The following PCNX2 variants were observed in gnomAD, a reference collection of about 807,000 sequenced individuals.
PCNX2 encodes pecanex 2.
In PCNX2, 168 loss-of-function variants were observed where a neutral mutation model predicts 223.8. That is an observed-to-expected ratio of 0.75 (90% CI 0.66 to 0.85). The LOEUF (loss-of-function observed/expected upper bound fraction) is 0.85, where lower values mean the gene tolerates loss of function less well. Ranked by LOEUF, PCNX2 falls within the 40% of genes least tolerant of loss-of-function variation. The pLI, the probability that PCNX2 is intolerant of heterozygous loss-of-function variation, is 0.00. For missense variants in PCNX2, 2,507 were observed against 2,675.5 expected, an observed-to-expected ratio of 0.94 and a Z score of 1.39; for synonymous variants, 1,006 against 1,052.6, an observed-to-expected ratio of 0.96 and a Z score of 0.86.
intron 1 of PCNX2, among the ~76,000 whole-genome samples, chr1:233,283,092 G>A (rs1049863233): frequency 6.7e-6 from 1 of 150,246 alleles, no homozygotes; most frequent in Non-Finnish European, 1.5e-5. Context: ...CTATGGTGGT[G>A]TTATGGGAGT....
intron 8 of PCNX2, among the ~76,000 whole-genome samples, chr1:233,243,924 C>T (rs1658945693): frequency 6.6e-6 from 1 of 152,086 alleles, no homozygotes; most frequent in South Asian, 2.1e-4. Flanking sequence ...CTCCGCCTCC[C>T]AGGTTCAAGC....
chr1:233,256,737 G>A (rs924944800), intron 5 of PCNX2, among the ~76,000 whole-genome samples: 2 of 152,142 alleles, frequency 1.3e-5, no homozygotes, highest in Non-Finnish European at 2.9e-5. Flanking sequence ...ATATTAGATA[G>A]ATGATAAACA....
chr1:233,233,080 C>A (rs980963968), intron 9 of PCNX2: 2 of 947,692 alleles, frequency 2.1e-6, no homozygotes, highest in African/African-American at 3.5e-5. Context: ...GCCTCTCAAC[C>A]AGCAGTGTAA....
rs560178944 is a variant in PCNX2 at position 233,200,168 on chromosome 1, A to C, written c.2960T>G (p.Phe987Cys). 2 of 1,584,490 alleles carry C rather than the reference A, an allele frequency of 1.3e-6. No individual in the cohort carries two copies. The highest frequency in any genetic ancestry group is 3.6e-5 in the Admixed American group (2 of 55,760). The change falls in exon 14 of 34, where the codon TTT (phenylalanine) becomes TGT (cysteine). Residue 987 changes from phenylalanine to cysteine, a missense_variant. Coordinates refer to ENST00000258229, the MANE Select transcript of PCNX2 (RefSeq NM_014801.4). ...AAACGACTTACCAGAACCACCAAAA[A>C]ACAGCATGTCAATTTGCTCCAAAAG... ...TYLLEQIDML[F>C]FGGSAVSGIT...
At chr1:233,303,376 G>A in the PCNX2 span, among the ~76,000 whole-genome samples, 1 of 152,094 alleles carries the variant, frequency 6.6e-6, no homozygotes, top group Admixed American at 6.6e-5. Flanking sequence ...TTTGCTGGGT[G>A]TGGTGGTGTG....
At chr1:233,155,705 T>C (rs1678079016) in intron 19 of PCNX2, among the ~76,000 whole-genome samples, 1 of 152,170 alleles carries the variant, frequency 6.6e-6, no homozygotes, top group South Asian at 2.1e-4. Flanking sequence ...ACCCCAATAT[T>C]TGCTTTTTGA....
chr1:233,112,718 ATAACT>A, intron 21 of PCNX2: 3 of 693,628 alleles, frequency 4.3e-6, no homozygotes, highest in South Asian at 3.2e-5. Flanking sequence ...TTTGAACAAT[ATAACT>A]AAATTCACAT....
chr1:233,312,410 CTTTA>C, the PCNX2 span, among the ~76,000 whole-genome samples: 1 of 151,944 alleles, frequency 6.6e-6, no homozygotes, highest in African/African-American at 2.4e-5. Flanking sequence ...TACTAAAAGT[CTTTA>C]TTTATTGAAA....
rs192829045 is a variant in PCNX2 at position 233,173,763 on chromosome 1, T to C, written c.3273+4039A>G. Among the ~76,000 whole-genome samples the C allele has an allele frequency of 1.0e-3, 152 of 152,296 alleles. 1 individual carries two copies. Among genetic ancestry groups the C allele is most frequent in the Admixed American group, 7.2e-3 (110 of 15,296 alleles). On this transcript the variant is annotated intron_variant, in intron 17 of 33. Coordinates refer to ENST00000258229, the MANE Select transcript of PCNX2 (RefSeq NM_014801.4). ...TGCGGTAGTTAGTTTACTTTATTTG[T>C]GACACTACTTGTTAGAAATCATTTC...
chr1:233,178,536 T>A (rs972788917), intron 16 of PCNX2, among the ~76,000 whole-genome samples: 1 of 152,230 alleles, frequency 6.6e-6, no homozygotes, highest in Non-Finnish European at 1.5e-5. Flanking sequence ...AAGCATTACA[T>A]TAAATACATT....
chr1:233,303,188 ATTAT>A, the PCNX2 span, among the ~76,000 whole-genome samples: 1 of 152,158 alleles, frequency 6.6e-6, no homozygotes, highest in Non-Finnish European at 1.5e-5. Context: ...AATAATTAAA[ATTAT>A]TTAGAGTTCA....
chr1:233,283,302 C>T (rs1661281400), intron 1 of PCNX2, among the ~76,000 whole-genome samples: 1 of 152,138 alleles, frequency 6.6e-6, no homozygotes, highest in Non-Finnish European at 1.5e-5. Context: ...AATCTTTTAG[C>T]TGTGTCTACT....
At chr1:233,291,508 T>A (rs1661761546) in intron 1 of PCNX2, 1 of 238,130 alleles carries the variant, frequency 4.2e-6, no homozygotes, top group South Asian at 1.6e-4. Context: ...CTCGGGAGGC[T>A]GAGGCAGGAG....
intron 21 of PCNX2, among the ~76,000 whole-genome samples, chr1:233,129,805 C>T: frequency 6.6e-6 from 1 of 152,166 alleles, no homozygotes; most frequent in Non-Finnish European, 1.5e-5. Context: ...TAAACCAGAC[C>T]AATCAGCTCT....
At chr1:232,989,236 C>G (rs973500991) in intron 32 of PCNX2, among the ~76,000 whole-genome samples, 1 of 152,146 alleles carries the variant, frequency 6.6e-6, no homozygotes, top group Non-Finnish European at 1.5e-5. Flanking sequence ...AGGCAGATCA[C>G]GAGGTCAGGA....
chr1:233,010,628 T>C (rs1438687783), intron 28 of PCNX2, among the ~76,000 whole-genome samples: 2 of 152,210 alleles, frequency 1.3e-5, no homozygotes, highest in Non-Finnish European at 2.9e-5. Context: ...CCATTATATC[T>C]AGATGGCTTT....
At chr1:233,192,620 A>C (rs549135975) in intron 15 of PCNX2, among the ~76,000 whole-genome samples, 1 of 152,290 alleles carries the variant, frequency 6.6e-6, no homozygotes, top group East Asian at 1.9e-4. Flanking sequence ...TACATCAAAA[A>C]AAAAGAAATT....
intron 12 of PCNX2, 32 bp downstream of exon 12, chr1:233,217,867 G>C (rs1424988040): frequency 6.2e-7 from 1 of 1,613,468 alleles, no homozygotes; most frequent in East Asian, 2.2e-5. Context: ...AGACAGACAA[G>C]AAAAGCTACT....
intron 19 of PCNX2, among the ~76,000 whole-genome samples, chr1:233,160,038 A>T (rs968137533): frequency 6.6e-6 from 1 of 152,178 alleles, no homozygotes; most frequent in Non-Finnish European, 1.5e-5. Context: ...CTTCTGATTC[A>T]CCTGGCTTTA....
Sources: gnomAD v4.1 joint callset for allele counts (sites outside exome capture counted in the v4.1 genomes callset) on GRCh38, gnomAD v4.1.1 for gene constraint, MANE v1.5 for transcripts, NCBI Gene and HGNC (gene_info 2026-07-23, HGNC 2026-07-21) for gene names.